Variants in BPIFC observed in about 807,000 individuals in gnomAD.
BPIFC encodes the protein BPI fold containing family C, also known as BPI fold-containing family C protein.
A neutral mutation model predicts 57.6 loss-of-function variants in BPIFC; 60 were observed. The observed-to-expected ratio is 1.04, with a 90% CI of 0.85 to 1.29. The LOEUF (loss-of-function observed/expected upper bound fraction) is 1.29. Ranked by LOEUF, BPIFC falls within the 50% of genes most tolerant of loss-of-function variation. The probability of loss-of-function intolerance (pLI) is 0.00; values close to 1 mark genes in which losing one functional copy is unlikely to be tolerated. For missense variants in BPIFC, 581 were observed against 600.5 expected, an observed-to-expected ratio of 0.97 and a Z score of 0.34; for synonymous variants, 243 against 224.5, an observed-to-expected ratio of 1.08 and a Z score of -0.74.
intron 1 of BPIFC, among the ~76,000 whole-genome samples, chr22:32,462,147 C>T (rs1417942696): frequency 3.9e-4 from 44 of 111,706 alleles, no homozygotes; most frequent in African/African-American, 1.2e-3. Flanking sequence ...TCCAGTCTGG[C>T]GACAGAGCGA....
chr22:32,436,401 GAGGAGGAGGGAAAAGA>G (rs1458206293), intron 9 of BPIFC, among the ~76,000 whole-genome samples: 1 of 150,654 alleles, frequency 6.6e-6, no homozygotes, highest in African/African-American at 2.4e-5. Context: ...GGAAGAGGAG[GAGGAGGAGGGAAAAGA>G]AGGAGAAGGA....
chr22:32,416,049 CT>C, intron 15 of BPIFC, 58 bp from the exon 16 acceptor site: 2 of 1,046,614 alleles, frequency 1.9e-6, no homozygotes, highest in East Asian at 3.0e-5. Context: ...TTTTAGCAAG[CT>C]TTTTAGTAAG....
intron 13 of BPIFC, among the ~76,000 whole-genome samples, chr22:32,429,505 C>CTTTTT (rs1934169835): frequency 9.9e-5 from 10 of 101,484 alleles, no homozygotes; most frequent in East Asian, 4.5e-4. Context: ...GGCAACTGGC[C>CTTTTT]TTTGTTTTTT....
intron 4 of BPIFC, among the ~76,000 whole-genome samples, chr22:32,452,941 A>G (rs767594093): frequency 3.9e-5 from 6 of 152,276 alleles, no homozygotes; most frequent in Non-Finnish European, 7.4e-5. Flanking sequence ...TGAACTTCCA[A>G]TTCACTTTCT....
At chr22:32,425,841 A>G (rs1025561437) in intron 13 of BPIFC, among the ~76,000 whole-genome samples, 1 of 152,216 alleles carries the variant, frequency 6.6e-6, no homozygotes, top group Non-Finnish European at 1.5e-5. Context: ...TCACAGAGCT[A>G]TTGAATGGCA....
intron 1 of BPIFC, among the ~76,000 whole-genome samples, chr22:32,462,168 CA>C (rs35716277): frequency 0.19 from 10,179 of 53,166 alleles, 88 homozygotes; most frequent in Non-Finnish European, 0.25. Context: ...GACTCCATCT[CA>C]AAAAAAAAAA....
intron 2 of BPIFC, among the ~76,000 whole-genome samples, chr22:32,457,766 T>C (rs1375729755): frequency 2.0e-5 from 3 of 152,276 alleles, no homozygotes; most frequent in Non-Finnish European, 4.4e-5. Flanking sequence ...TCCATGTCCC[T>C]CTCTGTGAAA....
intron 1 of BPIFC, among the ~76,000 whole-genome samples, 174 bp from the exon 2 acceptor site, chr22:32,461,835 G>A (rs1935166122): frequency 1.3e-5 from 2 of 152,182 alleles, no homozygotes; most frequent in Admixed American, 6.5e-5. Context: ...ATTGTAAATG[G>A]ATGTGTTATG....
chr22:32,433,831 G>T, intron 10 of BPIFC, 59 bp from the exon 11 acceptor site: 1 of 1,415,896 alleles, frequency 7.1e-7, no homozygotes, highest in Non-Finnish European at 1.0e-6. Flanking sequence ...TCTTTTCAGG[G>T]AAAATGTAGT....
intron 13 of BPIFC, among the ~76,000 whole-genome samples, chr22:32,427,859 C>T (rs532945125): frequency 1.3e-5 from 2 of 152,166 alleles, no homozygotes; most frequent in Non-Finnish European, 2.9e-5. Context: ...TGGTGGCGTG[C>T]GCCTGTAGTC....
At chr22:32,453,226 T>G in intron 4 of BPIFC, 157 bp downstream of exon 4, 1 of 505,088 alleles carries the variant, frequency 2.0e-6, no homozygotes, top group Non-Finnish European at 3.3e-6. Flanking sequence ...TATTGAGCCA[T>G]GAGGCAAACT....
At chr22:32,444,540 G>A (rs1050287419) in intron 7 of BPIFC, among the ~76,000 whole-genome samples, 1 of 152,078 alleles carries the variant, frequency 6.6e-6, no homozygotes, top group Non-Finnish European at 1.5e-5. Context: ...CAAAATACAG[G>A]TAAACGGTTC....
chr22:32,458,116 C>A (rs976451415), intron 2 of BPIFC, among the ~76,000 whole-genome samples: 1 of 152,158 alleles, frequency 6.6e-6, no homozygotes, highest in Admixed American at 6.5e-5. Context: ...AGTGTAAACG[C>A]CGAAGTCATT....
At chr22:32,447,417 T>A (rs1934761375) in intron 4 of BPIFC, 77 bp from the exon 5 acceptor site, 2 of 1,525,654 alleles carry the variant, frequency 1.3e-6, no homozygotes, top group Non-Finnish European at 1.8e-6. Context: ...GGAACACAGT[T>A]GCAGAGCTCT....
At chr22:32,452,423 T>G (rs1428379902) in intron 4 of BPIFC, among the ~76,000 whole-genome samples, 1 of 151,836 alleles carries the variant, frequency 6.6e-6, no homozygotes, top group African/African-American at 2.4e-5. Context: ...GATCACTAGG[T>G]CAGGAGATCG....
intron 3 of BPIFC, among the ~76,000 whole-genome samples, chr22:32,455,105 T>C (rs1279072997): frequency 7.0e-6 from 1 of 143,550 alleles, no homozygotes; most frequent in Non-Finnish European, 1.5e-5. Context: ...GGCTGGAGTG[T>C]AGTGGTGCGA....
At chr22:32,437,089 T>C (rs1160300111) in intron 9 of BPIFC, among the ~76,000 whole-genome samples, 1 of 152,208 alleles carries the variant, frequency 6.6e-6, no homozygotes, top group East Asian at 1.9e-4. Context: ...CACTTAGGAA[T>C]GGAAGTGCCA....
At chr22:32,443,079 T>C (rs1934610535) in intron 7 of BPIFC, among the ~76,000 whole-genome samples, 1 of 152,130 alleles carries the variant, frequency 6.6e-6, no homozygotes, top group Non-Finnish European at 1.5e-5. Context: ...TGCTGTATCT[T>C]TCCTGACTGC....
At chr22:32,453,564 A>T in intron 3 of BPIFC, 61 bp from the exon 4 acceptor site, 1 of 1,509,900 alleles carries the variant, frequency 6.6e-7, no homozygotes, top group Non-Finnish European at 8.8e-7. Context: ...GCATAATAAC[A>T]TTAACCACAC....
Sources: gnomAD v4.1 joint callset for allele counts (sites outside exome capture counted in the v4.1 genomes callset) on GRCh38, gnomAD v4.1.1 for gene constraint, MANE v1.5 for transcripts, NCBI Gene and HGNC (gene_info 2026-07-23, HGNC 2026-07-21) for gene names.